The following OAS3 variants were observed in gnomAD, a reference collection of about 807,000 sequenced individuals.
OAS3 encodes the protein 2'-5'-oligoadenylate synthetase 3.
OAS3 carries 107 observed loss-of-function variants against 113.0 expected under a neutral mutation model. That is an observed-to-expected ratio of 0.95 (90% confidence interval 0.81 to 1.11). The LOEUF (loss-of-function observed/expected upper bound fraction) is 1.11. Ranked by LOEUF, OAS3 falls within the 50% of genes most tolerant of loss-of-function variation. The pLI is 0.00. For synonymous variants in OAS3, 552 were observed against 573.6 expected (o/e 0.96, Z 0.54); for missense variants, 1,258 against 1,389.1 (o/e 0.91, Z 1.50).
intron 6 of OAS3, among the ~76,000 whole-genome samples, chr12:112,950,301 C>T (rs1467171385): frequency 1.3e-5 from 2 of 152,190 alleles, no homozygotes. Context: ...AACAGGGCAA[C>T]AGAGGACAAT....
Position 112,949,186 on chromosome 12 carries a change from A to G in OAS3, c.1355A>G (p.Lys452Arg). The change falls in exon 6 of 16, where the codon AAG becomes AGG. Residue 452 changes from lysine (K) to arginine (R), a missense_variant. Transcript: ENST00000228928. ...LRCLHENCVH[K>R]ASRVSKGGSF... is the part of the protein sequence containing the mutation. Reference sequence around the variant, plus strand: ...TGCCTCCATGAGAACTGTGTTCACAAGGCCTCAAGAGTCAGTAAAGTGAGT... The same window carrying G: ...TGCCTCCATGAGAACTGTGTTCACAGGGCCTCAAGAGTCAGTAAAGTGAGT... 6.2e-7 allele frequency: 1 copy of G among 1,611,442 alleles called. No homozygotes were observed.
At chr12:112,947,327 C>CA (rs775780578) in intron 4 of OAS3, among the ~76,000 whole-genome samples, 90 of 152,356 alleles carry the variant, frequency 5.9e-4, no homozygotes, top group Non-Finnish European at 1.1e-3. Flanking sequence ...GGTCCCCTCT[C>CA]AGTCAGTAAC....
At chr12:112,969,307 G>A (rs951358511) in intron 14 of OAS3, 2 of 416,598 alleles carry the variant, frequency 4.8e-6, no homozygotes, top group Non-Finnish European at 8.9e-6. Flanking sequence ...GGATGCAGGA[G>A]GGGAGAGTTG....
chr12:112,960,842 C>G (rs560705141), intron 7 of OAS3, among the ~76,000 whole-genome samples: 2 of 152,266 alleles, frequency 1.3e-5, no homozygotes, highest in African/African-American at 4.8e-5. Context: ...AGATTATCCA[C>G]TGTGCAGTTA....
intron 6 of OAS3, 124 bp from the exon 7 acceptor site, chr12:112,950,569 C>T: frequency 1.7e-6 from 2 of 1,148,740 alleles, no homozygotes; most frequent in Admixed American, 4.3e-5. Flanking sequence ...TTGTCATAGT[C>T]CCCAGACCTG....
At position 112,967,400 on chromosome 12, in the gene OAS3, C is replaced by T; in HGVS notation, c.2690-18C>T. The T allele has an allele frequency of 6.2e-7, 1 of 1,603,230 alleles. No homozygotes were observed. Among genetic ancestry groups the T allele is most frequent in the African/African-American group, 1.3e-5 (1 of 74,828 alleles). ...AACATGGGAGCCGGAGTGATGGTAA[C>T]CATCTCCCCATCTCCAGGCCAGCTG... On this transcript the variant is annotated intron_variant, in intron 12 of 15. Transcript: ENST00000228928.
chr12:112,959,715 G>T (rs2136356062), intron 7 of OAS3, among the ~76,000 whole-genome samples: 1 of 151,916 alleles, frequency 6.6e-6, no homozygotes, highest in South Asian at 2.1e-4. Context: ...TGTCTATCAG[G>T]GCTGTCTGTT....
At position 112,963,209 on chromosome 12, in the gene OAS3, T is replaced by A. The variant is rs2043904245; in HGVS notation, c.2085-104T>A. On this transcript the variant is annotated intron_variant, in intron 9 of 15. Transcript: ENST00000228928. The surrounding 1 kb of genome is among the most constrained non-coding windows in gnomAD (Gnocchi z 4.6). ...GGGCAAGACTGAGCCAACCCTGAGGTCCTGACACTCTTTCCAGCCCTCACG... is the reference window on the plus strand; with the variant it reads ...GGGCAAGACTGAGCCAACCCTGAGGACCTGACACTCTTTCCAGCCCTCACG... The A allele has an allele frequency of 8.2e-6, 11 of 1,337,216 alleles. 1 individual carries two copies. In the South Asian group the frequency reaches 1.7e-4, roughly 20 times the overall value. The allele number at this position is 1,337,216 out of a possible 1,614,324, so 82.8% of individuals were successfully genotyped here.
At position 112,948,956 on chromosome 12, in the gene OAS3, G is replaced by A. The variant is rs1390899192; in HGVS notation, c.1125G>A (p.Val375=). 2 of 1,613,566 alleles carry A rather than the reference G, an allele frequency of 1.2e-6. No individual in the cohort carries two copies. The highest frequency in any genetic ancestry group is 1.3e-5 in the African/African-American group (1 of 74,920). The change falls in exon 6 of 16, where the codon GTG becomes GTA. Residue 375 remains valine (V), a synonymous_variant. Transcript: ENST00000228928. The part of the protein sequence containing the change: ...TPENSKSLNA[V]YPRAGSKPPS... ...AAAACAGCAAGAGCCTCAATGCTGT[G>A]TACCCAAGAGCAGGGAGCAAACCTC...
At chr12:112,960,493 G>A (rs1447819957) in intron 7 of OAS3, among the ~76,000 whole-genome samples, 5 of 117,140 alleles carry the variant, frequency 4.3e-5, no homozygotes, top group African/African-American at 1.5e-4. Flanking sequence ...TCCTCTCTGT[G>A]TCTTGTTTTT....
At position 112,963,574 on chromosome 12, in the gene OAS3, A is replaced by C. The variant is rs2043908577; in HGVS notation, c.2229+117A>C. On this transcript the variant is annotated intron_variant, in intron 10 of 15. Coordinates refer to ENST00000228928, the MANE Select transcript of OAS3 (RefSeq NM_006187.4). This position sits in a 1 kb window ranked among gnomAD's most constrained non-coding sequence, Gnocchi z 4.6. ...TAGGAGTGTTGGTGGCTGACAACTC[A>C]TAGCCACCCCTTCTCTGGAGACTTG... The C allele has an allele frequency of 9.8e-7, 1 of 1,015,660 alleles. No individual in the cohort carries two copies. The highest frequency in any genetic ancestry group is 3.1e-5 in the East Asian group (1 of 32,494). The allele number at this position is 1,015,660 out of a possible 1,614,324, so 62.9% of individuals were successfully genotyped here.
chr12:112,966,047 A>G lies in OAS3; in HGVS notation c.2689+18A>G. 3.1e-6 allele frequency: 5 copies of G among 1,612,630 alleles called. No individual in the cohort carries two copies. Among genetic ancestry groups the G allele is most frequent in the Non-Finnish European group, 4.2e-6 (5 of 1,178,820 alleles). ...CGCCCTAGGTGAGGTGCCCTGGCGT[A>G]GACCTGAGAGGGGGAAATACAGAGG... On this transcript the variant is annotated intron_variant, in intron 12 of 15. Coordinates refer to ENST00000228928, the MANE Select transcript of OAS3 (RefSeq NM_006187.4).
In OAS3 at chr12:112,968,114, A is replaced by T; in HGVS notation, c.3044A>T (p.Asn1015Ile). The T allele has an allele frequency of 1.9e-6, 3 of 1,613,932 alleles. No individual in the cohort carries two copies. Among genetic ancestry groups the T allele is most frequent in the East Asian group, 2.2e-5 (1 of 44,868 alleles). ...YRQLCIYWTI[N>I]YNAKDKTVGD... ...CAGCTCTGTATCTACTGGACCATCA[A>T]CTACAACGCCAAGGACAAGACTGTT... The change falls in exon 14 of 16, where the codon AAC becomes ATC. Residue 1015 changes from asparagine to isoleucine, a missense_variant. Transcript: ENST00000228928.
chr12:112,967,401 C>T lies in OAS3; in HGVS notation c.2690-17C>T, dbSNP rs769251121. 6.2e-7 allele frequency: 1 copy of T among 1,603,460 alleles called. No individual in the cohort carries two copies. The highest frequency in any genetic ancestry group is 8.5e-7 in the Non-Finnish European group (1 of 1,174,406). On this transcript the variant is annotated splice_polypyrimidine_tract_variant and intron_variant, in intron 12 of 15. Coordinates refer to ENST00000228928, the MANE Select transcript of OAS3 (RefSeq NM_006187.4). ...ACATGGGAGCCGGAGTGATGGTAAC[C>T]ATCTCCCCATCTCCAGGCCAGCTGG...
At chr12:112,961,911 T>C (rs977746830) in intron 8 of OAS3, among the ~76,000 whole-genome samples, 2 of 152,090 alleles carry the variant, frequency 1.3e-5, no homozygotes, top group African/African-American at 4.8e-5. Context: ...TCCTCCTGCC[T>C]CAGCCCCCGT....
At chr12:112,957,244 C>CCCCAG (rs1261849381) in intron 7 of OAS3, among the ~76,000 whole-genome samples, 7 of 152,108 alleles carry the variant, frequency 4.6e-5, no homozygotes, top group Non-Finnish European at 8.8e-5. Flanking sequence ...TGCATGTGAG[C>CCCCAG]TGGGTCTCCT....
rs560283834 is a variant in OAS3 at position 112,944,806 on chromosome 12, G to A, written c.636+155G>A. The A allele has an allele frequency of 1.9e-4, 148 of 788,022 alleles. No homozygotes were observed. In the South Asian group the frequency reaches 2.2e-3, roughly 11 times the overall value. The allele number at this position is 788,022 out of a possible 1,614,324, so 48.8% of individuals were successfully genotyped here. A position where few individuals can be genotyped will look rare whatever the true frequency, so the allele number is the denominator to read the frequency against. On this transcript the variant is annotated intron_variant, in intron 3 of 15. Coordinates refer to ENST00000228928, the MANE Select transcript of OAS3 (RefSeq NM_006187.4). The stretch of plus-strand genomic sequence containing the variant: ...TTGTGCATTATTTTCTCTTGGGTTA[G>A]CTGTCTTGTTACTGATTTGTTGAAG...
chr12:112,955,584 G>C (rs1313554983), intron 7 of OAS3, among the ~76,000 whole-genome samples: 5 of 152,146 alleles, frequency 3.3e-5, no homozygotes, highest in Non-Finnish European at 7.3e-5. Context: ...TAATCATGTG[G>C]TTTTTGTCTT....
chr12:112,956,292 C>A (rs1489800783), intron 7 of OAS3, among the ~76,000 whole-genome samples: 1 of 152,038 alleles, frequency 6.6e-6, no homozygotes, highest in South Asian at 2.1e-4. Context: ...AACCAGCTCT[C>A]GGATTCATTG....
Sources: gnomAD v4.1 joint callset for allele counts (sites outside exome capture counted in the v4.1 genomes callset) on GRCh38, gnomAD v4.1.1 for gene constraint, Gnocchi (gnomAD v3.1) non-coding constraint, MANE v1.5 for transcripts, NCBI Gene and HGNC (gene_info 2026-07-23, HGNC 2026-07-21) for gene names.